The following LHCGR variants were observed in gnomAD, a reference collection of about 807,000 sequenced individuals.
LHCGR encodes the protein lutropin-choriogonadotropic hormone receptor.
A neutral mutation model predicts 60.7 loss-of-function variants in LHCGR; 55 were observed. The observed-to-expected ratio is 0.91, with a 90% CI of 0.73 to 1.13. The LOEUF is 1.13. Among genes scored for constraint, LHCGR ranks in the 50% most tolerant of loss-of-function variants. LHCGR has a pLI of 0.00. For missense variants in LHCGR, 862 were observed against 836.0 expected, an observed-to-expected ratio of 1.03 and a Z score of -0.38; for synonymous variants, 337 against 316.5, an observed-to-expected ratio of 1.06 and a Z score of -0.69.
chr2:48,739,235 A>C (rs1669329120), intron 1 of LHCGR, among the ~76,000 whole-genome samples: 1 of 152,258 alleles, frequency 6.6e-6, no homozygotes, highest in Non-Finnish European at 1.5e-5. Context: ...TAGTTCAACC[A>C]TTGTGGAAGT....
intron 1 of LHCGR, among the ~76,000 whole-genome samples, chr2:48,733,322 G>A (rs1669087519): frequency 6.6e-6 from 1 of 152,164 alleles, no homozygotes; most frequent in South Asian, 2.1e-4. Flanking sequence ...AGCATGGTGT[G>A]ACTCCCAGAG....
chr2:48,746,528 A>T (rs557589337), intron 1 of LHCGR, among the ~76,000 whole-genome samples: 2 of 152,302 alleles, frequency 1.3e-5, no homozygotes, highest in African/African-American at 2.4e-5. Context: ...AAACTTTCCC[A>T]TTGGAAAATG....
At chr2:48,708,126 C>A (rs562514685) in intron 8 of LHCGR, among the ~76,000 whole-genome samples, 2 of 152,312 alleles carry the variant, frequency 1.3e-5, no homozygotes, top group Non-Finnish European at 2.9e-5. Context: ...CTGAGAGCTG[C>A]AGACTGGATC....
chr2:48,691,548 AT>A (rs1666827348), intron 10 of LHCGR, among the ~76,000 whole-genome samples: 1 of 152,186 alleles, frequency 6.6e-6, no homozygotes, highest in Non-Finnish European at 1.5e-5. Flanking sequence ...ATTTCTTAGC[AT>A]TAGAAAGGTT....
chr2:48,707,837 A>T (rs1667771024), intron 8 of LHCGR, among the ~76,000 whole-genome samples: 1 of 152,240 alleles, frequency 6.6e-6, no homozygotes. Flanking sequence ...CGAGCCAGGC[A>T]CGGGAGGGAA....
intron 1 of LHCGR, among the ~76,000 whole-genome samples, chr2:48,751,960 G>C (rs1434425864): frequency 1.3e-5 from 2 of 152,126 alleles, no homozygotes; most frequent in Admixed American, 6.5e-5. Context: ...CAACCTTTCT[G>C]TTGTCATAGA....
At chr2:48,739,743 C>T (rs1669352776) in intron 1 of LHCGR, among the ~76,000 whole-genome samples, 1 of 151,990 alleles carries the variant, frequency 6.6e-6, no homozygotes, top group South Asian at 2.1e-4. Flanking sequence ...AGCACACCAA[C>T]ATGGCACATG....
rs568396317 is a variant in LHCGR at position 48,719,195 on chromosome 2, G to A, written c.536+4261C>T. Among the ~76,000 whole-genome samples, 226 of 152,248 alleles carry A rather than the reference G, an allele frequency of 1.5e-3. 1 individual carries two copies. The highest frequency in any genetic ancestry group is 0.01 in the South Asian group (49 of 4,822). On this transcript the variant is annotated intron_variant, in intron 6 of 10. Coordinates refer to ENST00000294954, the MANE Select transcript of LHCGR (RefSeq NM_000233.4). ...AAATTAGCCGGGCATGGTGGTGGGC[G>A]CCTGTGGTCCCAGCTACTTGGGAGG...
chr2:48,745,837 A>G (rs1572893513), intron 1 of LHCGR, among the ~76,000 whole-genome samples: 1 of 151,810 alleles, frequency 6.6e-6, no homozygotes, highest in East Asian at 1.9e-4. Flanking sequence ...CCTAAAACTT[A>G]AAGTATAATA....
At position 48,754,836 on chromosome 2, in the gene LHCGR, G is replaced by A. The variant is rs543203200; in HGVS notation, c.161+675C>T. Among the ~76,000 whole-genome samples the A allele has an allele frequency of 1.1e-4, 17 of 152,160 alleles. No homozygotes were observed. In the South Asian group the frequency reaches 3.5e-3, roughly 32 times the overall value. On this transcript the variant is annotated intron_variant, in intron 1 of 10. Coordinates refer to ENST00000294954, the MANE Select transcript of LHCGR (RefSeq NM_000233.4). ...TTTACCCCATTACTCCAGAAACAAC[G>A]CCCTCCCCCAGGTTGCTGATGTATA...
intron 1 of LHCGR, among the ~76,000 whole-genome samples, chr2:48,735,165 A>G: frequency 6.6e-6 from 1 of 152,050 alleles, no homozygotes; most frequent in East Asian, 1.9e-4. Context: ...ACTTCCATCT[A>G]CTCATTAATC....
chr2:48,712,457 T>A (rs1173194794), intron 7 of LHCGR, among the ~76,000 whole-genome samples: 1 of 152,154 alleles, frequency 6.6e-6, no homozygotes, highest in African/African-American at 2.4e-5. Flanking sequence ...GATTTAAGTT[T>A]GTCAGAAATC....
intron 8 of LHCGR, among the ~76,000 whole-genome samples, chr2:48,699,920 G>A (rs893662588): frequency 1.3e-5 from 2 of 152,224 alleles, no homozygotes; most frequent in Admixed American, 1.3e-4. Context: ...GCTGCTGCTG[G>A]TGCCTCACAA....
Position 48,687,877 on chromosome 2 carries a change from T to C in LHCGR, c.1920A>G (p.Lys640=), listed in dbSNP as rs1679978036. ...FQRDFFLLLS[K]FGCCKRRAEL... Reference sequence around the variant, plus strand: ...CAGCCCGACGTTTACAGCAGCCAAATTTGCTCAGCAAAAGAAAGAAATCTC... The same window carrying C: ...CAGCCCGACGTTTACAGCAGCCAAACTTGCTCAGCAAAAGAAAGAAATCTC... Residue 640 remains lysine, a synonymous_variant, in exon 11 of 11, where the codon AAA becomes AAG. Coordinates refer to ENST00000294954, the MANE Select transcript of LHCGR (RefSeq NM_000233.4). The C allele has an allele frequency of 6.8e-6, 11 of 1,614,136 alleles. No individual in the cohort carries two copies. Among genetic ancestry groups the C allele is most frequent in the Non-Finnish European group, 9.3e-6 (11 of 1,180,034 alleles).
intron 10 of LHCGR, among the ~76,000 whole-genome samples, chr2:48,693,039 C>G (rs576222075): frequency 6.6e-6 from 1 of 152,112 alleles, no homozygotes; most frequent in Non-Finnish European, 1.5e-5. Flanking sequence ...TCCCCTCAAA[C>G]CACTCCTTGG....
chr2:48,693,439 C>T (rs370388342), intron 10 of LHCGR, among the ~76,000 whole-genome samples: 13 of 152,306 alleles, frequency 8.5e-5, no homozygotes, highest in Non-Finnish European at 1.2e-4. Context: ...AGTCCAGGGT[C>T]ATTCCACCGT....
At chr2:48,737,040 A>G (rs1669230589) in intron 1 of LHCGR, among the ~76,000 whole-genome samples, 1 of 152,202 alleles carries the variant, frequency 6.6e-6, no homozygotes, top group Admixed American at 6.5e-5. Flanking sequence ...GAGGAGGTGC[A>G]GAGGGAGAGA....
intron 8 of LHCGR, among the ~76,000 whole-genome samples, chr2:48,703,873 C>G (rs1017439263): frequency 6.6e-6 from 1 of 152,128 alleles, no homozygotes; most frequent in Non-Finnish European, 1.5e-5. Flanking sequence ...AATGAATACC[C>G]TTTATTTCCT....
intron 1 of LHCGR, among the ~76,000 whole-genome samples, chr2:48,754,857 G>T (rs1284065692): frequency 6.6e-6 from 1 of 152,166 alleles, no homozygotes; most frequent in Non-Finnish European, 1.5e-5. Flanking sequence ...GGTTGCTGAT[G>T]TATACAATCC....
Sources: gnomAD v4.1 joint callset for allele counts (sites outside exome capture counted in the v4.1 genomes callset) on GRCh38, gnomAD v4.1.1 for gene constraint, MANE v1.5 for transcripts, NCBI Gene and HGNC (gene_info 2026-07-23, HGNC 2026-07-21) for gene names.